The following HEG1 variants were observed in gnomAD, a reference collection of about 807,000 sequenced individuals.
The protein encoded by HEG1 is protein HEG homolog 1.
In HEG1, 56 loss-of-function variants were observed where a neutral mutation model predicts 125.6. The ratio of observed to expected loss-of-function variants is 0.45; its 90% CI spans 0.36 to 0.56. The LOEUF (loss-of-function observed/expected upper bound fraction) is 0.56, where lower values mean the gene tolerates loss of function less well. HEG1 is among the 20% of genes least tolerant of loss of function. HEG1 has a pLI of 0.00. For synonymous variants in HEG1, 644 were observed against 668.5 expected (o/e 0.96, Z 0.57); for missense variants, 1,523 against 1,670.0 (o/e 0.91, Z 1.53).
intron 11 of HEG1, 28 bp from the exon 12 acceptor site, chr3:124,997,851 C>G: frequency 6.5e-7 from 1 of 1,545,340 alleles, no homozygotes; most frequent in Non-Finnish European, 8.8e-7. Context: ...GACAGTGAAA[C>G]AAAACAAAAC....
intron 6 of HEG1, among the ~76,000 whole-genome samples, chr3:125,011,546 A>G (rs1937157455): frequency 6.6e-6 from 1 of 152,210 alleles, no homozygotes; most frequent in South Asian, 2.1e-4. Context: ...TAGGCCTTGA[A>G]GCAAGGCTCC....
At chr3:125,050,682 T>C (rs1356821154) in intron 1 of HEG1, among the ~76,000 whole-genome samples, 2 of 152,210 alleles carry the variant, frequency 1.3e-5, no homozygotes, top group African/African-American at 2.4e-5. Context: ...ATGTGTGTGC[T>C]CCAACAAGAC....
chr3:124,999,224 C>T (rs146513886), intron 11 of HEG1, among the ~76,000 whole-genome samples: 206 of 152,310 alleles, frequency 1.4e-3, no homozygotes, highest in African/African-American at 3.9e-3. Flanking sequence ...TGGAAGCTAG[C>T]GTGCTCAATC....
At chr3:125,048,289 A>G (rs1211121070) in intron 1 of HEG1, among the ~76,000 whole-genome samples, 10 of 152,234 alleles carry the variant, frequency 6.6e-5, no homozygotes, top group Non-Finnish European at 8.8e-5. Context: ...TTGCAACCAG[A>G]GCCCCATACC....
In HEG1 at chr3:124,973,718, C is replaced by G; in HGVS notation, c.3996+13G>C. The stretch of plus-strand genomic sequence containing the variant: ...CGGGGGCCCTGGGGTCATCCTGACA[C>G]AGGAATACACACCGAGTAGTACACA... On this transcript the variant is annotated intron_variant, in intron 16 of 16. Coordinates refer to ENST00000311127, the MANE Select transcript of HEG1 (RefSeq NM_020733.2). The G allele has an allele frequency of 6.2e-7, 1 of 1,600,500 alleles. No homozygotes were observed. Among genetic ancestry groups the G allele is most frequent in the Non-Finnish European group, 8.5e-7 (1 of 1,173,432 alleles).
In HEG1 at chr3:125,013,851, T is replaced by C; in HGVS notation, c.1728A>G (p.Ser576=). 3 of 1,613,914 alleles carry C rather than the reference T, an allele frequency of 1.9e-6. No homozygotes were observed. The highest frequency in any genetic ancestry group is 1.7e-6 in the Non-Finnish European group (2 of 1,179,874). Residue 576 remains serine, a synonymous_variant, in exon 6 of 17, where the codon TCA becomes TCG. Coordinates refer to ENST00000311127, the MANE Select transcript of HEG1 (RefSeq NM_020733.2). The stretch of plus-strand genomic sequence containing the variant: ...TTGAGCTCTCCACAATGTCTGAGGA[T>C]GAACTGTTATCTGTAATGGACAGTA... ...RALLSITDNS[S]SSDIVESSTS... is the part of the protein sequence containing the mutation.
Position 125,002,279 on chromosome 3 carries a change from G to T in HEG1, c.3334C>A (p.Arg1112=), listed in dbSNP as rs772126357. Residue 1112 remains arginine (R), a synonymous_variant, in exon 10 of 17, where the codon CGA becomes AGA. Transcript: ENST00000311127. ...MCFSALPSYI[R]STVHASRESN... ...TACCTAGAGGCGTGAACTGTAGATC[G>T]GATGTAACTAGGTAACGCTGAAAAA... The T allele has an allele frequency of 6.2e-7, 1 of 1,613,524 alleles. No individual in the cohort carries two copies. Among genetic ancestry groups the T allele is most frequent in the South Asian group, 1.1e-5 (1 of 90,998 alleles).
chr3:125,039,485 C>T (rs777284358), intron 1 of HEG1, among the ~76,000 whole-genome samples: 4 of 152,170 alleles, frequency 2.6e-5, no homozygotes, highest in Non-Finnish European at 1.5e-5. Flanking sequence ...CCTCAACCCC[C>T]GCAGCGGGCC....
chr3:125,002,770 G>A (rs1315365139), intron 9 of HEG1, among the ~76,000 whole-genome samples: 1 of 152,132 alleles, frequency 6.6e-6, no homozygotes, highest in African/African-American at 2.4e-5. Flanking sequence ...TCAAAGACAG[G>A]TCTTCTTCAA....
At chr3:125,019,677 T>C in intron 4 of HEG1, 80 bp from the exon 5 acceptor site, 2 of 1,093,064 alleles carry the variant, frequency 1.8e-6, no homozygotes, top group Non-Finnish European at 2.7e-6. Flanking sequence ...GAGACCTCTC[T>C]AGGGAAAGAT....
intron 1 of HEG1, among the ~76,000 whole-genome samples, chr3:125,049,570 G>T (rs922309468): frequency 1.3e-5 from 2 of 152,190 alleles, no homozygotes. Context: ...TACACTGAAC[G>T]GCTGAAACTG....
chr3:124,985,220 TG>T (rs1369723278), intron 14 of HEG1, among the ~76,000 whole-genome samples: 2 of 152,162 alleles, frequency 1.3e-5, no homozygotes, highest in Admixed American at 6.5e-5. Flanking sequence ...CAAGGTGACA[TG>T]GATCCTGCTG....
At position 124,970,762 on chromosome 3, in the gene HEG1, G is replaced by T. The variant is rs1238064495; in HGVS notation, c.4036C>A (p.Leu1346Ile). Reference sequence around the variant, plus strand: ...GGCAGTCCAGTGTAGGCCGGGTAGAGTCCGTTTCGTTCAAGTTCTGGATTC... The same window carrying T: ...GGCAGTCCAGTGTAGGCCGGGTAGATTCCGTTTCGTTCAAGTTCTGGATTC... ...VRNPELERNGLYPAYTGLPGS... is the reference protein window; with the variant it reads ...VRNPELERNGIYPAYTGLPGS... Residue 1346 changes from leucine (L) to isoleucine (I), a missense_variant, in exon 17 of 17, where the codon CTC becomes ATC. Physicochemically the swap from Leu to Ile is conservative, Grantham distance 5 (BLOSUM62 2). Transcript: ENST00000311127. 5.6e-6 allele frequency: 9 copies of T among 1,610,242 alleles called. No individual in the cohort carries two copies. The highest frequency in any genetic ancestry group is 6.8e-6 in the Non-Finnish European group (8 of 1,178,468).
chr3:125,031,703 A>AC (rs63332360), intron 1 of HEG1, among the ~76,000 whole-genome samples: 2,493 of 151,228 alleles, frequency 0.016, 64 homozygotes, highest in African/African-American at 0.057. Flanking sequence ...ACCCACATAT[A>AC]CCCCCCACAC....
At chr3:125,026,198 T>G (rs16836374) in intron 3 of HEG1, among the ~76,000 whole-genome samples, 2,980 of 152,288 alleles carry the variant, frequency 0.02, 95 homozygotes, top group African/African-American at 0.066. Flanking sequence ...TTTCCAATAC[T>G]CTCTTTGGCC....
intron 5 of HEG1, among the ~76,000 whole-genome samples, chr3:125,016,099 CA>C (rs2107702071): frequency 6.6e-6 from 1 of 152,182 alleles, no homozygotes; most frequent in East Asian, 1.9e-4. Context: ...TTTCTCTGGG[CA>C]AAGAGAAAAA....
In HEG1 at chr3:124,987,952, C is replaced by CACACACACACACACACACACACACATAT; in HGVS notation, c.3733+2834_3733+2835insATATGTGTGTGTGTGTGTGTGTGTGTGT. ...ACACACACACACACACACACACACA[C>CACACACACACACACACACACACACATAT]ATATATATATATATATATATATACC... On this transcript the variant is annotated intron_variant, in intron 14 of 16. Transcript: ENST00000311127. 5.5e-5 allele frequency among the ~76,000 whole-genome samples: 3 copies of CACACACACACACACACACACACACATAT among 54,660 alleles called. 1 individual carries two copies. Among genetic ancestry groups the CACACACACACACACACACACACACATAT allele is most frequent in the Admixed American group, 4.4e-4 (2 of 4,524 alleles). The allele number at this position is 54,660 out of a possible 152,430, so 35.9% of individuals were successfully genotyped here.
chr3:124,988,572 A>G (rs536406133), intron 14 of HEG1, among the ~76,000 whole-genome samples: 1 of 152,230 alleles, frequency 6.6e-6, no homozygotes, highest in South Asian at 2.1e-4. Flanking sequence ...TGGGACTTCT[A>G]AAGAGTACAG....
At chr3:124,971,663 T>C (rs548123715) in intron 16 of HEG1, among the ~76,000 whole-genome samples, 25 of 152,240 alleles carry the variant, frequency 1.6e-4, no homozygotes, top group South Asian at 4.1e-4. Flanking sequence ...AGCTAATTTT[T>C]GTATTTTTAG....
Sources: gnomAD v4.1 joint callset for allele counts (sites outside exome capture counted in the v4.1 genomes callset) on GRCh38, gnomAD v4.1.1 for gene constraint, MANE v1.5 for transcripts, NCBI Gene and HGNC (gene_info 2026-07-23, HGNC 2026-07-21) for gene names.